ADARB2: variants seen among roughly 807,000 people sequenced by gnomAD.
ADARB2 encodes inactive double-stranded RNA-specific editase B2.
A neutral mutation model predicts 62.2 loss-of-function variants in ADARB2; 25 were observed. The ratio of observed to expected loss-of-function variants is 0.40; its 90% CI spans 0.29 to 0.56. ADARB2 has a LOEUF of 0.56. ADARB2 is among the 20% of genes least tolerant of loss of function. The pLI is 0.43. For synonymous variants in ADARB2, 572 were observed against 500.8 expected (o/e 1.14, Z -1.90); for missense variants, 1,071 against 1,077.4 (o/e 0.99, Z 0.08).
At chr10:1,232,641 C>T (rs961926999) in intron 6 of ADARB2, among the ~76,000 whole-genome samples, 1 of 142,788 alleles carries the variant, frequency 7.0e-6, no homozygotes, top group Non-Finnish European at 1.5e-5. Flanking sequence ...TGTATGTGGT[C>T]TGTGTGTGGT....
At position 1,184,891 on chromosome 10, in the gene ADARB2, C is replaced by G; in HGVS notation, c.2013G>C (p.Leu671=). 6.2e-7 allele frequency: 1 copy of G among 1,613,766 alleles called. No individual in the cohort carries two copies. Among genetic ancestry groups the G allele is most frequent in the Non-Finnish European group, 8.5e-7 (1 of 1,180,010 alleles). ...GGPSRLCKHV[L]SARWARLYGR... is the part of the protein sequence containing the mutation. ...CATACAGCCGCGCCCACCGTGCAGA[C>G]AGCACGTGCTTGCAGAGCCGGGATG... The change falls in exon 9 of 10, where the codon CTG becomes CTC. Residue 671 remains leucine, a synonymous_variant. Coordinates refer to ENST00000381312, the MANE Select transcript of ADARB2 (RefSeq NM_018702.4).
At chr10:1,715,367 T>C (rs1362976123) in intron 1 of ADARB2, among the ~76,000 whole-genome samples, 2 of 152,130 alleles carry the variant, frequency 1.3e-5, no homozygotes, top group South Asian at 2.1e-4. Context: ...ATAAGTAGGG[T>C]TTGAAAATGA....
At chr10:1,671,529 AAGG>A (rs1388579685) in intron 1 of ADARB2, among the ~76,000 whole-genome samples, 4 of 152,094 alleles carry the variant, frequency 2.6e-5, no homozygotes, top group Non-Finnish European at 5.9e-5. Flanking sequence ...GGGCACGTGG[AAGG>A]AGGTGTGAGA....
rs1307759661 is a variant in ADARB2 at position 1,363,839 on chromosome 10, G to C, written c.266C>G (p.Ala89Gly). 6.4e-7 allele frequency: 1 copy of C among 1,558,720 alleles called. No individual in the cohort carries two copies. Among genetic ancestry groups the C allele is most frequent in the South Asian group, 1.2e-5 (1 of 86,462 alleles). ...AARPPPSGDR[A>G]RGGAPGAKRK... is the part of the protein sequence containing the mutation. ...CTTCGCGCCGGGCGCGCCGCCCCGG[G>C]CCCGGTCCCCGGAGGGCGGTGGCCG... is the stretch of plus-strand genomic sequence containing the variant. Residue 89 changes from alanine to glycine, a missense_variant, in exon 3 of 10, where the codon GCC becomes GGC. By Grantham distance (60) the Ala-to-Gly change is moderately conservative (BLOSUM62 0). Coordinates refer to ENST00000381312, the MANE Select transcript of ADARB2 (RefSeq NM_018702.4).
At chr10:1,435,073 C>T (rs961641633) in intron 1 of ADARB2, among the ~76,000 whole-genome samples, 1 of 152,214 alleles carries the variant, frequency 6.6e-6, no homozygotes, top group African/African-American at 2.4e-5. Flanking sequence ...CAGCACGGAC[C>T]TGGGTCCCCT....
intron 1 of ADARB2, among the ~76,000 whole-genome samples, chr10:1,504,213 C>T (rs1003537088): frequency 7.2e-5 from 11 of 152,186 alleles, no homozygotes; most frequent in Non-Finnish European, 1.6e-4. Flanking sequence ...TCCCTCAACA[C>T]GGAGCCCATC....
chr10:1,647,214 A>G (rs913963557), intron 1 of ADARB2, among the ~76,000 whole-genome samples: 2 of 152,220 alleles, frequency 1.3e-5, no homozygotes, highest in Non-Finnish European at 2.9e-5. Context: ...GAAAGAAGAA[A>G]GTGCTTTAGA....
intron 1 of ADARB2, among the ~76,000 whole-genome samples, chr10:1,581,834 G>A (rs879812339): frequency 0.09 from 2,996 of 33,474 alleles, 45 homozygotes; most frequent in South Asian, 0.19. Context: ...AGATGTGTGT[G>A]TGTGTGTGTG....
In ADARB2 at chr10:1,409,650, T is replaced by C. The variant is rs1353250198; in HGVS notation, c.101-30490A>G. Among the ~76,000 whole-genome samples the C allele has an allele frequency of 2.9e-5, 4 of 135,904 alleles. 1 individual carries two copies. Among genetic ancestry groups the C allele is most frequent in the African/African-American group, 5.3e-5 (2 of 37,550 alleles). The allele number at this position is 135,904 out of a possible 152,430, so 89.2% of individuals were successfully genotyped here. ...CAGTGGTGCCGAGGCCTGGCTGTGG[T>C]CATGGTGCCGAGGCCTGGCCACGGT... On this transcript the variant is annotated intron_variant, in intron 1 of 9. Coordinates refer to ENST00000381312, the MANE Select transcript of ADARB2 (RefSeq NM_018702.4).
At chr10:1,734,822 TTATTC>T (rs1398316385) in intron 1 of ADARB2, among the ~76,000 whole-genome samples, 1 of 152,192 alleles carries the variant, frequency 6.6e-6, no homozygotes, top group Non-Finnish European at 1.5e-5. Context: ...AAAATTGAGG[TTATTC>T]TATTCATTTA....
intron 1 of ADARB2, among the ~76,000 whole-genome samples, chr10:1,431,770 G>A (rs1830779363): frequency 2.6e-5 from 4 of 152,136 alleles, no homozygotes; most frequent in Admixed American, 2.6e-4. Flanking sequence ...TGAAATAGGT[G>A]CTATTACTAC....
chr10:1,682,259 C>T (rs1834547308), intron 1 of ADARB2, among the ~76,000 whole-genome samples: 1 of 152,198 alleles, frequency 6.6e-6, no homozygotes. Context: ...GCCAGCAGCT[C>T]ATCCACAAGC....
chr10:1,480,591 A>G (rs2676749), intron 1 of ADARB2, among the ~76,000 whole-genome samples: 52,347 of 151,952 alleles, frequency 0.34, 9,847 homozygotes, highest in African/African-American at 0.5. Flanking sequence ...CCCGCTACTC[A>G]GGAGGCTGAG....
intron 8 of ADARB2, among the ~76,000 whole-genome samples, chr10:1,197,086 A>T (rs1391633872): frequency 6.6e-6 from 1 of 152,264 alleles, no homozygotes. Flanking sequence ...GTTACTCCAA[A>T]ATAGACCTCT....
At position 1,504,409 on chromosome 10, in the gene ADARB2, C is replaced by T. The variant is rs139720601; in HGVS notation, c.101-125249G>A. ...CTTTAATGGGAAATAATGCATCTGG[C>T]GCTGGACATTCTGAGTGTGTCTGAG... On this transcript the variant is annotated intron_variant, in intron 1 of 9. Transcript: ENST00000381312. Among the ~76,000 whole-genome samples, 19 of 152,314 alleles carry T rather than the reference C, an allele frequency of 1.2e-4. No homozygotes were observed. The East Asian group carries it at 1.7e-3, about 14-fold the overall frequency.
chr10:1,596,592 C>T (rs1833338874), intron 1 of ADARB2, among the ~76,000 whole-genome samples: 1 of 152,182 alleles, frequency 6.6e-6, no homozygotes, highest in South Asian at 2.1e-4. Context: ...TGGCACAGGC[C>T]CTGATCCCTG....
At chr10:1,465,508 A>C (rs1049743974) in intron 1 of ADARB2, among the ~76,000 whole-genome samples, 3 of 152,144 alleles carry the variant, frequency 2.0e-5, no homozygotes, top group African/African-American at 7.2e-5. Flanking sequence ...GGGGACCGTG[A>C]CGACCGCAGT....
chr10:1,345,835 T>C (rs1235478393), intron 3 of ADARB2, among the ~76,000 whole-genome samples: 1 of 152,234 alleles, frequency 6.6e-6, no homozygotes. Context: ...ACACGTGTGC[T>C]TGATGGAAGG....
intron 1 of ADARB2, among the ~76,000 whole-genome samples, chr10:1,517,104 A>T (rs1461050368): frequency 6.6e-6 from 1 of 152,154 alleles, no homozygotes; most frequent in Non-Finnish European, 1.5e-5. Context: ...AAAATTTCAA[A>T]TTCAAAGTTG....
Sources: allele counts gnomAD v4.1 joint callset (sites outside exome capture counted in the v4.1 genomes callset), GRCh38; gene constraint gnomAD v4.1.1; transcripts MANE v1.5; gene names NCBI Gene and HGNC (gene_info 2026-07-23, HGNC 2026-07-21).